The following PNPLA1 variants were observed in gnomAD, a reference collection of about 807,000 sequenced individuals.
PNPLA1 encodes omega-hydroxyceramide transacylase.
A neutral mutation model predicts 51.7 loss-of-function variants in PNPLA1; 36 were observed. The ratio of observed to expected loss-of-function variants is 0.70; its 90% CI spans 0.53 to 0.92. The LOEUF (loss-of-function observed/expected upper bound fraction) is 0.92, where lower values mean the gene tolerates loss of function less well. Ranked by LOEUF, PNPLA1 falls within the 40% of genes least tolerant of loss-of-function variation. The pLI is 0.00. For missense variants in PNPLA1, 658 were observed against 682.5 expected, an observed-to-expected ratio of 0.96 and a Z score of 0.40; for synonymous variants, 293 against 280.1, an observed-to-expected ratio of 1.05 and a Z score of -0.46.
At chr6:36,307,915 CCT>C in intron 8 of PNPLA1, 1 of 516,686 alleles carries the variant, frequency 1.9e-6, no homozygotes, top group Non-Finnish European at 3.2e-6. Context: ...ACTTGCTCTC[CCT>C]GAGCCTCCAT....
Position 36,306,295 on chromosome 6 carries a change from T to C in PNPLA1, c.1388T>C (p.Val463Ala), listed in dbSNP as rs776607279. Residue 463 changes from valine to alanine, a missense_variant, in exon 7 of 9, where the codon GTA becomes GCA. Coordinates refer to ENST00000636260, the MANE Select transcript of PNPLA1 (RefSeq NM_001374623.1). ...TTTCCTATATCTTTACTTTTAGCTG[T>C]AGCTCTTCTTGTCTCTTCAAAACCA... Reference protein sequence around the residue: ...EELGQEQPQAVALLVSSKPKS... With the variant: ...EELGQEQPQAAALLVSSKPKS... The C allele has an allele frequency of 9.3e-6, 15 of 1,610,096 alleles. No homozygotes were observed. The highest frequency in any genetic ancestry group is 1.2e-5 in the Non-Finnish European group (14 of 1,178,650).
At chr6:36,282,212 G>GGAAGGAAGGGAAGGAAGGAAGGAAGGAA (rs1554136650) in intron 1 of PNPLA1, among the ~76,000 whole-genome samples, 57 of 108,724 alleles carry the variant, frequency 5.2e-4, no homozygotes, top group Admixed American at 8.2e-4. Flanking sequence ...AAGGAAGGAA[G>GGAAGGAAGGGAAGGAAGGAAGGAAGGAA]GGAAGGAAGG....
intron 1 of PNPLA1, among the ~76,000 whole-genome samples, chr6:36,279,607 C>T (rs1209302117): frequency 6.6e-6 from 1 of 152,190 alleles, no homozygotes; most frequent in Non-Finnish European, 1.5e-5. Context: ...GGCTGAACTT[C>T]CAACTCTGCC....
chr6:36,313,719 G>A lies in PNPLA1; in HGVS notation c.*1833G>A, dbSNP rs939656442. 4.6e-5 allele frequency among the ~76,000 whole-genome samples: 7 copies of A among 152,344 alleles called. No homozygotes were observed. The highest frequency in any genetic ancestry group is 1.9e-4 in the East Asian group (1 of 5,192). On this transcript the variant is annotated 3_prime_UTR_variant, in exon 9 of 9. Coordinates refer to ENST00000636260, the MANE Select transcript of PNPLA1 (RefSeq NM_001374623.1). ...ACTGACTAGAGAGGCCCGCCCGGCC[G>A]CAGGCCTTTCTTCCAGGAGTGGCCT...
intron 5 of PNPLA1, among the ~76,000 whole-genome samples, chr6:36,297,292 C>A (rs1267889834): frequency 6.6e-6 from 1 of 152,198 alleles, no homozygotes; most frequent in Non-Finnish European, 1.5e-5. Context: ...CAGATTTCAC[C>A]TCCACCACCT....
intron 1 of PNPLA1, among the ~76,000 whole-genome samples, chr6:36,286,578 A>T (rs548079661): frequency 6.6e-6 from 1 of 152,136 alleles, no homozygotes; most frequent in Non-Finnish European, 1.5e-5. Flanking sequence ...TAAAAAAAAA[A>T]AGTTTAAATT....
intron 6 of PNPLA1, among the ~76,000 whole-genome samples, chr6:36,305,618 T>C (rs1414950239): frequency 6.6e-6 from 1 of 152,160 alleles, no homozygotes; most frequent in African/African-American, 2.4e-5. Flanking sequence ...ATTAATACTC[T>C]GTTCTAAGAA....
At position 36,293,050 on chromosome 6, in the gene PNPLA1, T is replaced by G; in HGVS notation, c.439-11T>G. The stretch of plus-strand genomic sequence containing the variant: ...GGCCTCCAGCATCTCAGCCCTGTTC[T>G]CTCCGCACAGGCCCTATACTGCAGC... On this transcript the variant is annotated splice_polypyrimidine_tract_variant and intron_variant, in intron 2 of 8. Coordinates refer to ENST00000636260, the MANE Select transcript of PNPLA1 (RefSeq NM_001374623.1). The G allele has an allele frequency of 5.0e-6, 8 of 1,612,372 alleles. No individual in the cohort carries two copies. Among genetic ancestry groups the G allele is most frequent in the Non-Finnish European group, 5.9e-6 (7 of 1,178,994 alleles).
intron 1 of PNPLA1, among the ~76,000 whole-genome samples, chr6:36,260,484 C>T (rs1340477232): frequency 6.6e-6 from 1 of 152,104 alleles, no homozygotes; most frequent in Non-Finnish European, 1.5e-5. Context: ...GAATCAGAAA[C>T]ACATTCACAT....
rs1156510231 is a variant in PNPLA1 at position 36,313,432 on chromosome 6, G to C, written c.*1546G>C. ...GAAATGCAAAACCCAGAATGAATGG[G>C]TGGAGGACCATACTAAACTGCCCTT... On this transcript the variant is annotated 3_prime_UTR_variant, in exon 9 of 9. Coordinates refer to ENST00000636260, the MANE Select transcript of PNPLA1 (RefSeq NM_001374623.1). 6.6e-6 allele frequency among the ~76,000 whole-genome samples: 1 copy of C among 152,170 alleles called. No homozygotes were observed. Among genetic ancestry groups the C allele is most frequent in the Non-Finnish European group, 1.5e-5 (1 of 68,048 alleles).
chr6:36,295,376 T>C lies in PNPLA1; in HGVS notation c.727T>C (p.Tyr243His). The change falls in exon 5 of 9, where the codon TAC becomes CAC. Residue 243 changes from tyrosine (Y) to histidine (H), a missense_variant. Tyr to His is a moderately conservative substitution (Grantham distance 83, BLOSUM62 2). Coordinates refer to ENST00000636260, the MANE Select transcript of PNPLA1 (RefSeq NM_001374623.1). ...FPPDLVILHD[Y>H]YYRGYEDAVL... ...CCTCCGCCCACAGATCCTGCACGAT[T>C]ACTACTACCGAGGGTACGAGGATGC... The C allele has an allele frequency of 1.2e-6, 2 of 1,614,194 alleles. No homozygotes were observed. Among genetic ancestry groups the C allele is most frequent in the Non-Finnish European group, 1.7e-6 (2 of 1,180,020 alleles).
At chr6:36,267,297 A>G (rs562363537), upstream of PNPLA1, among the ~76,000 whole-genome samples, 1 of 152,206 alleles carries the variant, frequency 6.6e-6, no homozygotes, top group Non-Finnish European at 1.5e-5. Flanking sequence ...AGAGTTTAGC[A>G]CCCAGCAGAG....
At chr6:36,248,061 G>A (rs1250187577) in intron 1 of PNPLA1, among the ~76,000 whole-genome samples, 1 of 152,162 alleles carries the variant, frequency 6.6e-6, no homozygotes, top group Non-Finnish European at 1.5e-5. Flanking sequence ...CTGCCACCGT[G>A]TACCATGCCC....
At chr6:36,282,085 G>GAAAGAAAGAAAGAAAGAAAGAAAT (rs1770311736) in intron 1 of PNPLA1, among the ~76,000 whole-genome samples, 1 of 130,406 alleles carries the variant, frequency 7.7e-6, no homozygotes, top group Admixed American at 7.9e-5. Context: ...AAGAAAGAAA[G>GAAAGAAAGAAAGAAAGAAAGAAAT]AAAGAAGGAA....
chr6:36,296,383 T>C (rs1770857972), intron 5 of PNPLA1, among the ~76,000 whole-genome samples: 1 of 152,216 alleles, frequency 6.6e-6, no homozygotes, highest in African/African-American at 2.4e-5. Context: ...ATCAGAAGCA[T>C]TTTCCTTGTT....
intron 2 of PNPLA1, among the ~76,000 whole-genome samples, chr6:36,292,545 G>C (rs919740995): frequency 6.6e-6 from 1 of 152,048 alleles, no homozygotes; most frequent in African/African-American, 2.4e-5. Context: ...CTGAAACCCA[G>C]TCCCTCCTGC....
chr6:36,285,486 C>A lies in PNPLA1; in HGVS notation c.206-5834C>A, dbSNP rs115843168. Among the ~76,000 whole-genome samples, 363 of 152,340 alleles carry A rather than the reference C, an allele frequency of 2.4e-3. 2 individuals carry two copies. Among genetic ancestry groups the A allele is most frequent in the African/African-American group, 8.2e-3 (342 of 41,584 alleles). On this transcript the variant is annotated intron_variant, in intron 1 of 8. Coordinates refer to ENST00000636260, the MANE Select transcript of PNPLA1 (RefSeq NM_001374623.1). ...TAAATTATCAGCCCCAACTGCCCGC[C>A]TTTCTATGATTTTTCATTTCGCAAG...
In PNPLA1 at chr6:36,295,387, A is replaced by G. The variant is rs2127347474; in HGVS notation, c.738A>G (p.Arg246=). The G allele has an allele frequency of 6.2e-6, 10 of 1,614,150 alleles. No individual in the cohort carries two copies. The highest frequency in any genetic ancestry group is 8.5e-6 in the Non-Finnish European group (10 of 1,180,026). ...DLVILHDYYY[R]GYEDAVLYLR... ...AGATCCTGCACGATTACTACTACCGAGGGTACGAGGATGCAGTTTTGTACT... is the reference window on the plus strand; with the variant it reads ...AGATCCTGCACGATTACTACTACCGGGGGTACGAGGATGCAGTTTTGTACT... The change falls in exon 5 of 9, where the codon CGA becomes CGG. Residue 246 remains arginine (R), a synonymous_variant. Coordinates refer to ENST00000636260, the MANE Select transcript of PNPLA1 (RefSeq NM_001374623.1).
chr6:36,261,284 A>T (rs1052557860), intron 1 of PNPLA1, among the ~76,000 whole-genome samples: 14 of 152,356 alleles, frequency 9.2e-5, no homozygotes, highest in African/African-American at 2.9e-4. Context: ...AATTCAACAG[A>T]TATTTTTCTG....
Sources: gnomAD v4.1 joint callset for allele counts (sites outside exome capture counted in the v4.1 genomes callset) on GRCh38, gnomAD v4.1.1 for gene constraint, MANE v1.5 for transcripts, NCBI Gene and HGNC (gene_info 2026-07-23, HGNC 2026-07-21) for gene names.